MROH2B: variants seen among roughly 807,000 people sequenced by gnomAD.
The protein encoded by MROH2B is maestro heat-like repeat-containing protein family member 2B.
A neutral mutation model predicts 208.6 loss-of-function variants in MROH2B; 177 were observed. The ratio of observed to expected loss-of-function variants is 0.85; its 90% CI spans 0.75 to 0.96. The LOEUF (loss-of-function observed/expected upper bound fraction) is 0.96, where lower values mean the gene tolerates loss of function less well. Ranked by LOEUF, MROH2B falls within the 40% of genes least tolerant of loss-of-function variation. The pLI is 0.00. For missense variants in MROH2B, 2,002 were observed against 1,878.7 expected, an observed-to-expected ratio of 1.07 and a Z score of -1.21; for synonymous variants, 728 against 659.0, an observed-to-expected ratio of 1.10 and a Z score of -1.60.
intron 28 of MROH2B, 46 bp from the exon 29 acceptor site, chr5:41,015,524 T>C (rs778194067): frequency 8.3e-6 from 13 of 1,567,102 alleles, no homozygotes; most frequent in African/African-American, 2.7e-5. Context: ...AAAGACCTGA[T>C]AGGGGTTGAA....
intron 24 of MROH2B, among the ~76,000 whole-genome samples, chr5:41,028,718 A>G (rs1325197056): frequency 2.0e-5 from 3 of 152,184 alleles, no homozygotes; most frequent in African/African-American, 7.2e-5. Context: ...TCATTGACAG[A>G]CACCTAGGTT....
At chr5:41,024,003 C>T (rs1742256477) in intron 24 of MROH2B, among the ~76,000 whole-genome samples, 1 of 152,100 alleles carries the variant, frequency 6.6e-6, no homozygotes, top group Non-Finnish European at 1.5e-5. Context: ...TTGTCACCAC[C>T]AGGCCTGCCC....
intron 6 of MROH2B, among the ~76,000 whole-genome samples, chr5:41,061,026 A>T (rs1743621326): frequency 6.6e-6 from 1 of 152,234 alleles, no homozygotes; most frequent in Admixed American, 6.5e-5. Context: ...TTAAAGCAAG[A>T]TACATGTGAA....
intron 1 of MROH2B, among the ~76,000 whole-genome samples, chr5:41,070,357 C>T (rs1357781319): frequency 6.6e-6 from 1 of 152,046 alleles, no homozygotes; most frequent in African/African-American, 2.4e-5. Flanking sequence ...AAAATTGAGT[C>T]AAAGGAATTG....
At position 41,007,523 on chromosome 5, in the gene MROH2B, C is replaced by T. The variant is rs982355613; in HGVS notation, c.3609-69G>A. 5.8e-5 allele frequency: 77 copies of T among 1,317,456 alleles called. No individual in the cohort carries two copies. In the East Asian group the frequency reaches 2.2e-3, roughly 38 times the overall value. The allele number at this position is 1,317,456 out of a possible 1,614,324, so 81.6% of individuals were successfully genotyped here. On this transcript the variant is annotated intron_variant, in intron 33 of 41. Coordinates refer to ENST00000399564, the MANE Select transcript of MROH2B (RefSeq NM_173489.5). Reference sequence around the variant, plus strand: ...AGGGAATTGCAAATTCCCAAGTTTGCCTTTCCACTCCTCACAATGCTTTCC... The same window carrying T: ...AGGGAATTGCAAATTCCCAAGTTTGTCTTTCCACTCCTCACAATGCTTTCC...
At chr5:41,007,869 T>C (rs776979402) in intron 33 of MROH2B, among the ~76,000 whole-genome samples, 11 of 152,238 alleles carry the variant, frequency 7.2e-5, no homozygotes, top group Admixed American at 1.3e-4. Context: ...CTGGTTCAGA[T>C]ATAGCTCTTT....
At chr5:41,067,400 C>G (rs1362716140) in intron 2 of MROH2B, among the ~76,000 whole-genome samples, 182 bp from the exon 3 acceptor site, 1 of 150,430 alleles carries the variant, frequency 6.6e-6, no homozygotes, top group Non-Finnish European at 1.5e-5. Flanking sequence ...GAGTTTTGCT[C>G]TTTTTGGCCA....
At chr5:41,025,082 A>T (rs932656945) in intron 24 of MROH2B, among the ~76,000 whole-genome samples, 15 of 152,214 alleles carry the variant, frequency 9.9e-5, no homozygotes, top group African/African-American at 3.6e-4. Context: ...AACAGAAAGC[A>T]GGAAAATCTA....
chr5:41,048,491 A>T (rs1302238115), intron 15 of MROH2B, 26 bp from the exon 16 acceptor site: 1 of 1,574,796 alleles, frequency 6.4e-7, no homozygotes, highest in Non-Finnish European at 8.6e-7. Context: ...GAAGGAGCTC[A>T]TCAATTTCAG....
rs75459385 is a variant in MROH2B, at chr5:41,005,699, C to A, written c.3750-54G>T. On this transcript the variant is annotated intron_variant, in intron 34 of 41. Transcript: ENST00000399564. ...TATTTTACTAAACAATGGAGGAAATCTTAGTCTGTTTGTTCATCAGGCAAG... is the reference window on the plus strand; with the variant it reads ...TATTTTACTAAACAATGGAGGAAATATTAGTCTGTTTGTTCATCAGGCAAG... 7 of 1,395,068 alleles carry A rather than the reference C, an allele frequency of 5.0e-6. No individual in the cohort carries two copies. The African/African-American group carries it at 8.6e-5, about 17-fold the overall frequency. The allele number at this position is 1,395,068 out of a possible 1,614,324, so 86.4% of individuals were successfully genotyped here. A position where few individuals can be genotyped will look rare whatever the true frequency, so the allele number is the denominator to read the frequency against.
intron 16 of MROH2B, 57 bp from the exon 17 acceptor site, chr5:41,047,821 A>C: frequency 1.4e-6 from 2 of 1,447,988 alleles, no homozygotes; most frequent in Admixed American, 4.0e-5. Context: ...CCAAGACTCA[A>C]ATTCTCCCCT....
intron 24 of MROH2B, among the ~76,000 whole-genome samples, chr5:41,030,155 T>A (rs1742515920): frequency 6.6e-6 from 1 of 151,978 alleles, no homozygotes; most frequent in South Asian, 2.1e-4. Flanking sequence ...AGGAAAGGAC[T>A]TGAGTAGACA....
chr5:41,049,887 T>C (rs150063426), intron 13 of MROH2B, among the ~76,000 whole-genome samples: 10 of 152,312 alleles, frequency 6.6e-5, no homozygotes, highest in African/African-American at 2.4e-4. Flanking sequence ...CCTCTGTGCT[T>C]CAGGCTCTGA....
intron 24 of MROH2B, among the ~76,000 whole-genome samples, chr5:41,031,375 C>T (rs779332104): frequency 1.3e-5 from 2 of 152,104 alleles, no homozygotes; most frequent in Non-Finnish European, 2.9e-5. Flanking sequence ...AATCACCCCA[C>T]GCCTTTGACA....
chr5:41,066,984 T>G (rs546251031), intron 3 of MROH2B, 124 bp downstream of exon 3: 1 of 669,482 alleles, frequency 1.5e-6, no homozygotes, highest in Admixed American at 2.5e-5. Flanking sequence ...ATATCCAAGT[T>G]ACCACAAAGA....
At chr5:41,069,641 G>T in intron 2 of MROH2B, 50 bp downstream of exon 2, 1 of 1,384,024 alleles carries the variant, frequency 7.2e-7, no homozygotes, top group Non-Finnish European at 1.0e-6. Context: ...ACGAAATGTT[G>T]CAACAAGAAG....
intron 37 of MROH2B, among the ~76,000 whole-genome samples, chr5:41,002,767 T>G (rs1741439085): frequency 6.6e-6 from 1 of 152,184 alleles, no homozygotes; most frequent in South Asian, 2.1e-4. Context: ...TCTTGACCAC[T>G]AAATTGTTAA....
intron 32 of MROH2B, 52 bp from the exon 33 acceptor site, chr5:41,008,845 A>G (rs1460465451): frequency 2.0e-6 from 3 of 1,532,888 alleles, no homozygotes; most frequent in African/African-American, 1.4e-5. Flanking sequence ...CTCCAAGGCC[A>G]TCTTCTCTCT....
chr5:41,011,105 T>G (rs1399546303), intron 30 of MROH2B, among the ~76,000 whole-genome samples: 1 of 152,130 alleles, frequency 6.6e-6, no homozygotes, highest in South Asian at 2.1e-4. Context: ...CTTTAGGAAT[T>G]TGGATGTTAA....
Sources: gnomAD v4.1 joint callset for allele counts (sites outside exome capture counted in the v4.1 genomes callset) on GRCh38, gnomAD v4.1.1 for gene constraint, MANE v1.5 for transcripts, NCBI Gene and HGNC (gene_info 2026-07-23, HGNC 2026-07-21) for gene names.